Variants in GAS2 observed in about 807,000 individuals in gnomAD.
The protein encoded by GAS2 is growth arrest specific 2.
GAS2 carries 20 observed loss-of-function variants against 37.5 expected under a neutral mutation model. The observed-to-expected ratio is 0.53, with a 90% CI of 0.37 to 0.77. The LOEUF is 0.77. GAS2 is among the 30% of genes least tolerant of loss of function. The pLI is 0.00. For synonymous variants in GAS2, 144 were observed against 132.2 expected, an observed-to-expected ratio of 1.09 and a Z score of -0.61; for missense variants, 336 against 373.4, an observed-to-expected ratio of 0.90 and a Z score of 0.82.
intron 3 of GAS2, among the ~76,000 whole-genome samples, chr11:22,710,201 C>T (rs182846249): frequency 0.019 from 2,891 of 151,398 alleles, 43 homozygotes; most frequent in Non-Finnish European, 0.03. Context: ...AACAAACAAA[C>T]AAAAACAACT....
At chr11:22,743,302 A>G (rs2134254452) in intron 5 of GAS2, among the ~76,000 whole-genome samples, 1 of 152,202 alleles carries the variant, frequency 6.6e-6, no homozygotes, top group East Asian at 1.9e-4. Flanking sequence ...CAGTGGTATA[A>G]TATATTCTAA....
chr11:22,712,575 C>G (rs1851460483), intron 3 of GAS2, among the ~76,000 whole-genome samples: 1 of 152,100 alleles, frequency 6.6e-6, no homozygotes, highest in Non-Finnish European at 1.5e-5. Context: ...CAGATATTTC[C>G]AATGAAACAT....
In GAS2 at chr11:22,789,422, TGA is replaced by T. The variant is rs1398100157; in HGVS notation, c.724-22373_724-22372del. 5.7e-3 allele frequency among the ~76,000 whole-genome samples: 246 copies of T among 42,842 alleles called. 30 individuals are homozygous for T. Among genetic ancestry groups the T allele is most frequent in the South Asian group, 0.048 (51 of 1,072 alleles). The allele number at this position is 42,842 out of a possible 152,430, so 28.1% of individuals were successfully genotyped here. ...TGTGTGTATGTGTGTGTATCTCATA[TGA>T]GATATATATATATATATATATATAT... On this transcript the variant is annotated intron_variant, in intron 7 of 7. Transcript: ENST00000454584.
intron 4 of GAS2, among the ~76,000 whole-genome samples, chr11:22,726,705 T>G (rs1423431725): frequency 6.6e-6 from 1 of 152,088 alleles, no homozygotes; most frequent in Non-Finnish European, 1.5e-5. Context: ...TAAGGGCCAT[T>G]AGGGCAAAAT....
At chr11:22,712,938 C>T (rs970832552) in intron 3 of GAS2, among the ~76,000 whole-genome samples, 5 of 151,550 alleles carry the variant, frequency 3.3e-5, no homozygotes, top group Non-Finnish European at 7.4e-5. Flanking sequence ...AGTAGCCAGG[C>T]ATGGTGGCTC....
intron 5 of GAS2, among the ~76,000 whole-genome samples, chr11:22,741,678 A>G (rs1367846242): frequency 6.6e-6 from 1 of 152,182 alleles, no homozygotes; most frequent in Non-Finnish European, 1.5e-5. Flanking sequence ...ATATTCTTAT[A>G]CAAAGATGAT....
intron 7 of GAS2, among the ~76,000 whole-genome samples, chr11:22,771,850 TGAAA>T (rs1336786418): frequency 6.6e-6 from 1 of 152,212 alleles, no homozygotes; most frequent in African/African-American, 2.4e-5. Flanking sequence ...GTGTGCTATT[TGAAA>T]GAACTGTTAG....
At chr11:22,789,613 C>T (rs1333953891) in intron 7 of GAS2, among the ~76,000 whole-genome samples, 2 of 149,456 alleles carry the variant, frequency 1.3e-5, no homozygotes, top group Non-Finnish European at 3.0e-5. Flanking sequence ...AGGCGCCCGC[C>T]ACCATACCCG....
intron 4 of GAS2, among the ~76,000 whole-genome samples, chr11:22,732,589 C>T (rs1331324233): frequency 6.6e-6 from 1 of 151,676 alleles, no homozygotes; most frequent in Non-Finnish European, 1.5e-5. Flanking sequence ...CTACATTTAA[C>T]CTCACAGATT....
At chr11:22,724,270 A>G (rs1019878333) in intron 3 of GAS2, among the ~76,000 whole-genome samples, 3 of 151,956 alleles carry the variant, frequency 2.0e-5, no homozygotes, top group Non-Finnish European at 4.4e-5. Flanking sequence ...TTCTGGTTCA[A>G]TACATGTACA....
In GAS2 at chr11:22,629,840, T is replaced by G. The variant is rs750103688; in HGVS notation, c.-21+4027T>G. Among the ~76,000 whole-genome samples, 16 of 152,322 alleles carry G rather than the reference T, an allele frequency of 1.1e-4. No individual in the cohort carries two copies. In the East Asian group the frequency reaches 2.3e-3, roughly 22 times the overall value. ...TAAGTCTCACTTATTTATTTTTGTTTTTGTTGCATTTGCTTTTGGGGTCTT... is the reference window on the plus strand; with the variant it reads ...TAAGTCTCACTTATTTATTTTTGTTGTTGTTGCATTTGCTTTTGGGGTCTT... On this transcript the variant is annotated intron_variant, in intron 1 of 5. Coordinates refer to the GAS2 transcript ENST00000528582.
At chr11:22,647,250 A>G (rs1848707719) in intron 1 of GAS2, among the ~76,000 whole-genome samples, 1 of 151,486 alleles carries the variant, frequency 6.6e-6, no homozygotes, top group South Asian at 2.1e-4. Context: ...AAGGACATGA[A>G]CTCATCATTT....
chr11:22,659,284 T>C (rs1316061679), intron 1 of GAS2, among the ~76,000 whole-genome samples: 1 of 152,218 alleles, frequency 6.6e-6, no homozygotes. Flanking sequence ...CATTTTATTT[T>C]GAAGTCAAAT....
chr11:22,695,069 C>T (rs1269987658), intron 3 of GAS2, among the ~76,000 whole-genome samples: 2 of 152,038 alleles, frequency 1.3e-5, no homozygotes, highest in Non-Finnish European at 2.9e-5. Flanking sequence ...CCTGTATTCC[C>T]AATACTTCGG....
intron 7 of GAS2, among the ~76,000 whole-genome samples, chr11:22,789,814 A>G (rs1856054045): frequency 1.3e-5 from 2 of 152,054 alleles, no homozygotes; most frequent in Admixed American, 6.6e-5. Flanking sequence ...AAAGAAATAT[A>G]TATCTCTCTA....
chr11:22,640,617 G>A (rs892295533), intron 1 of GAS2, among the ~76,000 whole-genome samples: 3 of 152,058 alleles, frequency 2.0e-5, no homozygotes, highest in African/African-American at 7.2e-5. Flanking sequence ...AAAAGCCAAT[G>A]TAAAAAAATT....
chr11:22,768,553 T>G (rs531149220), intron 7 of GAS2, among the ~76,000 whole-genome samples: 6 of 152,218 alleles, frequency 3.9e-5, no homozygotes, highest in Non-Finnish European at 5.9e-5. Flanking sequence ...ATCTAGTTTA[T>G]GTTATAGGCA....
chr11:22,782,873 G>A lies in GAS2; in HGVS notation c.723+26920G>A, dbSNP rs12049864. On this transcript the variant is annotated intron_variant, in intron 7 of 7. Coordinates refer to ENST00000454584, the MANE Select transcript of GAS2 (RefSeq NM_001143830.3). The stretch of plus-strand genomic sequence containing the variant: ...TGATGGCCACCTAGGTTGATTCCAC[G>A]TCTTTGCTCTTGTGAATAGTGCTGC... Among the ~76,000 whole-genome samples the A allele has an allele frequency of 1.3e-3, 196 of 147,360 alleles. 5 individuals are homozygous for A. In the South Asian group the frequency reaches 0.026, roughly 20 times the overall value.
intron 3 of GAS2, among the ~76,000 whole-genome samples, chr11:22,723,366 A>G: frequency 6.6e-6 from 1 of 151,950 alleles, no homozygotes; most frequent in Admixed American, 6.6e-5. Flanking sequence ...AGATGCTGGC[A>G]TATGATAGGT....
Sources: allele counts gnomAD v4.1 joint callset (sites outside exome capture counted in the v4.1 genomes callset), GRCh38; gene constraint gnomAD v4.1.1; transcripts MANE v1.5; gene names NCBI Gene and HGNC (gene_info 2026-07-23, HGNC 2026-07-21).